TBC1D21: variants seen among roughly 807,000 people sequenced by gnomAD.
TBC1D21 encodes TBC1 domain family member 21, also known as male germ cell Rab GTPase-activating protein.
A neutral mutation model predicts 46.0 loss-of-function variants in TBC1D21; 38 were observed. The ratio of observed to expected loss-of-function variants is 0.83; its 90% CI spans 0.64 to 1.08. The LOEUF is 1.08. Among genes scored for constraint, TBC1D21 ranks in the 50% least tolerant of loss-of-function variants. TBC1D21 has a pLI of 0.00. For missense variants in TBC1D21, 415 were observed against 417.9 expected (o/e 0.99, Z 0.06); for synonymous variants, 151 against 157.2 (o/e 0.96, Z 0.29).
the TBC1D21 span, among the ~76,000 whole-genome samples, chr15:73,900,773 A>G: frequency 3.9e-5 from 6 of 152,196 alleles, no homozygotes; most frequent in Non-Finnish European, 7.4e-5. Context: ...AGGGTGGACA[A>G]TGAGAGGCAA....
rs1469785444 is a variant in TBC1D21 at position 73,881,843 on chromosome 15, C to T, written c.272+96C>T. 1.1e-5 allele frequency: 12 copies of T among 1,129,410 alleles called. No individual in the cohort carries two copies. The Admixed American group carries it at 2.2e-4, about 20-fold the overall frequency. 70.0% of individuals were successfully genotyped at this position (1,129,410 alleles called of 1,614,324 possible). On this transcript the variant is annotated intron_variant, in intron 3 of 10. Coordinates refer to ENST00000300504, the MANE Select transcript of TBC1D21 (RefSeq NM_153356.3). ...CAGACTATCTTCTGCCCCCATGCAACTTCTTATTCCGAGAGGAACCCCATG... is the reference window on the plus strand; with the variant it reads ...CAGACTATCTTCTGCCCCCATGCAATTTCTTATTCCGAGAGGAACCCCATG...
downstream of TBC1D21, among the ~76,000 whole-genome samples, chr15:73,892,052 T>G (rs2068341617): frequency 6.6e-6 from 1 of 152,238 alleles, no homozygotes; most frequent in South Asian, 2.1e-4. Flanking sequence ...TGGGGCTTTT[T>G]CTGGGTCTGC....
intron 1 of TBC1D21, among the ~76,000 whole-genome samples, chr15:73,879,235 C>A (rs1369090616): frequency 6.6e-6 from 1 of 152,078 alleles, no homozygotes; most frequent in Non-Finnish European, 1.5e-5. Context: ...TGAGAAGGAG[C>A]CTTGCTCTGT....
the TBC1D21 span, among the ~76,000 whole-genome samples, chr15:73,898,606 G>A: frequency 1.8e-4 from 27 of 152,040 alleles, no homozygotes; most frequent in Admixed American, 1.6e-3. Context: ...GCTCATGTCT[G>A]TAATCCCAGC....
At chr15:73,906,320 G>A in the TBC1D21 span, among the ~76,000 whole-genome samples, 1 of 152,114 alleles carries the variant, frequency 6.6e-6, no homozygotes, top group Non-Finnish European at 1.5e-5. Context: ...GTCGGGGAGA[G>A]GCTGGAGAGA....
intron 3 of TBC1D21, 60 bp downstream of exon 3, chr15:73,881,807 TC>T: frequency 6.9e-7 from 1 of 1,455,672 alleles, no homozygotes. Context: ...AGGTGCTGCC[TC>T]CCCAGCCTGC....
chr15:73,877,273 A>G (rs7178358), intron 1 of TBC1D21, among the ~76,000 whole-genome samples: 145,860 of 152,152 alleles, frequency 0.96, 70,216 homozygotes, highest in East Asian at 1. Flanking sequence ...GTTGTTTCCT[A>G]TATTGCTTGC....
chr15:73,877,108 G>C (rs1376045531), intron 1 of TBC1D21, among the ~76,000 whole-genome samples: 1 of 152,146 alleles, frequency 6.6e-6, no homozygotes, highest in Non-Finnish European at 1.5e-5. Flanking sequence ...AGATTAAATG[G>C]GTTGATATAT....
chr15:73,884,751 C>A (rs1442997776), intron 4 of TBC1D21, 30 bp from the exon 5 acceptor site: 2 of 1,527,716 alleles, frequency 1.3e-6, no homozygotes, highest in East Asian at 4.5e-5. Flanking sequence ...TGATCTGGTG[C>A]CACCTACTTG....
intron 8 of TBC1D21, among the ~76,000 whole-genome samples, chr15:73,887,183 A>G (rs1237196554): frequency 3.9e-5 from 6 of 152,130 alleles, no homozygotes; most frequent in Non-Finnish European, 7.4e-5. Flanking sequence ...CCACAGATCT[A>G]TTCCCACCTG....
chr15:73,875,897 T>G (rs2068050968), intron 1 of TBC1D21, among the ~76,000 whole-genome samples: 1 of 152,180 alleles, frequency 6.6e-6, no homozygotes, highest in Non-Finnish European at 1.5e-5. Flanking sequence ...TGAAGGTTGA[T>G]TTGAGAAGCC....
Position 73,885,064 on chromosome 15 carries a change from CGA to C in TBC1D21, c.543_544del (p.Glu181AspfsTer42). 6.2e-7 allele frequency: 1 copy of C among 1,613,562 alleles called. No individual in the cohort carries two copies. Among genetic ancestry groups the C allele is most frequent in the Middle Eastern group, 1.6e-4 (1 of 6,062 alleles). On this transcript the variant is annotated frameshift_variant, in exon 6 of 11. Transcript: ENST00000300504. LOFTEE classifies it high-confidence loss of function. ...LFQLMVEHDH[E>X]TFWLFQFFLQ... The stretch of plus-strand genomic sequence containing the variant: ...TCCAGCTGATGGTGGAGCACGACCA[CGA>C]GACCTTCTGGCTTTTCCAGTTCTTC...
At chr15:73,904,719 G>A in the TBC1D21 span, among the ~76,000 whole-genome samples, 5 of 152,114 alleles carry the variant, frequency 3.3e-5, no homozygotes, top group African/African-American at 1.2e-4. Flanking sequence ...AGGGACGAGA[G>A]GAGCTCATGG....
intron 8 of TBC1D21, 50 bp downstream of exon 8, chr15:73,886,662 G>C: frequency 6.5e-7 from 1 of 1,548,986 alleles, no homozygotes; most frequent in Non-Finnish European, 8.9e-7. Context: ...CCATCAGGCA[G>C]AGTGGAAGCT....
the TBC1D21 span, among the ~76,000 whole-genome samples, chr15:73,900,097 C>T: frequency 6.6e-6 from 1 of 152,202 alleles, no homozygotes; most frequent in South Asian, 2.1e-4. Context: ...GTTTGCTTCT[C>T]CCTCCTATAC....
In TBC1D21 at chr15:73,881,174, T is replaced by C. The variant is rs1441351514; in HGVS notation, c.61-225T>C. On this transcript the variant is annotated intron_variant, in intron 1 of 10. Transcript: ENST00000300504. ...AACTACCCCCTTATTGCAGAACATT[T>C]AGAGTGCTTGCATTTTTCATGTTGG... Among the ~76,000 whole-genome samples, 3 of 152,248 alleles carry C rather than the reference T, an allele frequency of 2.0e-5. No homozygotes were observed. In the East Asian group the frequency reaches 5.8e-4, roughly 29 times the overall value.
At chr15:73,898,863 CAAAAAAA>C in the TBC1D21 span, among the ~76,000 whole-genome samples, 3 of 24,106 alleles carry the variant, frequency 1.2e-4, no homozygotes, top group African/African-American at 3.3e-4. Flanking sequence ...GACTCCATCT[CAAAAAAA>C]AAAAAAAAAA....
intron 9 of TBC1D21, among the ~76,000 whole-genome samples, 163 bp downstream of exon 9, chr15:73,887,899 C>G (rs994894400): frequency 6.6e-6 from 1 of 152,204 alleles, no homozygotes; most frequent in African/African-American, 2.4e-5. Context: ...ATTACCGTGC[C>G]AAGGGCTTTT....
intron 7 of TBC1D21, 84 bp downstream of exon 7, chr15:73,886,258 TG>T (rs140135602): frequency 0.013 from 16,457 of 1,229,450 alleles, 182 homozygotes; most frequent in Non-Finnish European, 0.017. Context: ...TCCCTAATCA[TG>T]GGGGGGCTGG....
Sources: gnomAD v4.1 joint callset for allele counts (sites outside exome capture counted in the v4.1 genomes callset) on GRCh38, gnomAD v4.1.1 for gene constraint, MANE v1.5 for transcripts, NCBI Gene and HGNC (gene_info 2026-07-23, HGNC 2026-07-21) for gene names.